Variants in CAPN11 observed in about 807,000 individuals in gnomAD.
The protein encoded by CAPN11 is calpain 11.
Under a neutral mutation model 105.3 loss-of-function variants are expected in CAPN11, and 108 were observed. That is an observed-to-expected ratio of 1.03 (90% CI 0.88 to 1.20). The LOEUF (loss-of-function observed/expected upper bound fraction) is 1.20. Ranked by LOEUF, CAPN11 falls within the 50% of genes most tolerant of loss-of-function variation. CAPN11 has a pLI of 0.00. For synonymous variants in CAPN11, 329 were observed against 344.5 expected (o/e 0.96, Z 0.50); for missense variants, 883 against 924.8 (o/e 0.95, Z 0.59).
In CAPN11 at chr6:44,179,610, C is replaced by A; in HGVS notation, c.1417-9C>A. 1 of 1,613,154 alleles carries A rather than the reference C, an allele frequency of 6.2e-7. No individual in the cohort carries two copies. Among genetic ancestry groups the A allele is most frequent in the East Asian group, 2.2e-5 (1 of 44,884 alleles). On this transcript the variant is annotated splice_polypyrimidine_tract_variant and intron_variant, in intron 12 of 22. Coordinates refer to ENST00000398776, the MANE Select transcript of CAPN11 (RefSeq NM_007058.4). ...AGAGATCTGACTCTCCTCTTTCTTC[C>A]CTTCCCAGGTCCCAAAAGAGGTACA...
chr6:44,182,542 A>G (rs1561856121), intron 19 of CAPN11, among the ~76,000 whole-genome samples: 1 of 151,994 alleles, frequency 6.6e-6, no homozygotes, highest in Non-Finnish European at 1.5e-5. Flanking sequence ...CCAGGGTTGG[A>G]GGGGGGCATG....
At chr6:44,165,525 G>C (rs970317821) in intron 1 of CAPN11, among the ~76,000 whole-genome samples, 1 of 152,214 alleles carries the variant, frequency 6.6e-6, no homozygotes, top group African/African-American at 2.4e-5. Flanking sequence ...GAGGACAGGA[G>C]AGATGCTAAG....
At chr6:44,179,178 C>A (rs1307655779) in intron 12 of CAPN11, among the ~76,000 whole-genome samples, 1 of 152,176 alleles carries the variant, frequency 6.6e-6, no homozygotes, top group Non-Finnish European at 1.5e-5. Context: ...AACTCTTTCA[C>A]TTTTCAGCCA....
In CAPN11 at chr6:44,169,519, G is replaced by A. The variant is rs897130778; in HGVS notation, c.327G>A (p.Trp109Ter). 1 of 1,580,950 alleles carries A rather than the reference G, an allele frequency of 6.3e-7. No homozygotes were observed. The highest frequency in any genetic ancestry group is 8.6e-7 in the Non-Finnish European group (1 of 1,163,468). Reference protein sequence around the residue: ...PNSKNVQNISWQRPKDIINNP... With the variant: ...PNSKNVQNIS Reference sequence around the variant, plus strand: ...CCAAAAATGTGCAGAACATCTCCTGGCAGCGGCCCAAGGTGGGCACTGGAA... The same window carrying A: ...CCAAAAATGTGCAGAACATCTCCTGACAGCGGCCCAAGGTGGGCACTGGAA... Residue 109 changes from tryptophan to a stop codon, truncating the protein, a stop_gained, in exon 3 of 23, where the codon TGG becomes TGA. Transcript: ENST00000398776. LOFTEE classifies it high-confidence loss of function.
At chr6:44,160,281 C>T (rs570953693) in intron 1 of CAPN11, among the ~76,000 whole-genome samples, 15 of 152,316 alleles carry the variant, frequency 9.8e-5, no homozygotes, top group African/African-American at 3.6e-4. Context: ...TCGTATACAA[C>T]AGATATATAC....
intron 5 of CAPN11, 93 bp from the exon 6 acceptor site, chr6:44,172,847 A>C: frequency 7.2e-7 from 1 of 1,386,308 alleles, no homozygotes; most frequent in Non-Finnish European, 9.8e-7. Flanking sequence ...TGGAGAGTGG[A>C]GCCTCTGACA....
Position 44,180,654 on chromosome 6 carries a change from G to C in CAPN11, c.1738G>C (p.Ala580Pro). The change falls in exon 16 of 23, where the codon GCA becomes CCA. Residue 580 changes from alanine to proline, a missense_variant. Transcript: ENST00000398776. ...CTTCCTACATTTGTTTAAGATAGTG[G>C]CAGGAGAGGTGAGCAGGCCACGAGC... The part of the protein sequence containing the change: ...QDFLHLFKIV[A>P]GEGKEIGVYE... 3 of 1,613,784 alleles carry C rather than the reference G, an allele frequency of 1.9e-6. No individual in the cohort carries two copies. Among genetic ancestry groups the C allele is most frequent in the Non-Finnish European group, 2.5e-6 (3 of 1,179,830 alleles).
chr6:44,170,436 C>T (rs1770777775), intron 4 of CAPN11, among the ~76,000 whole-genome samples: 4 of 152,082 alleles, frequency 2.6e-5, no homozygotes, highest in Admixed American at 2.6e-4. Context: ...ACTTACGTGG[C>T]AGGAGCTCTC....
intron 1 of CAPN11, among the ~76,000 whole-genome samples, chr6:44,165,534 A>C (rs1413668185): frequency 1.3e-5 from 2 of 152,170 alleles, no homozygotes; most frequent in African/African-American, 2.4e-5. Flanking sequence ...AGAGATGCTA[A>C]GAGGGTGCAG....
chr6:44,178,139 T>A (rs1156619786), intron 12 of CAPN11, among the ~76,000 whole-genome samples: 1 of 152,162 alleles, frequency 6.6e-6, no homozygotes, highest in Non-Finnish European at 1.5e-5. Flanking sequence ...GATTTCATCC[T>A]TTGTGCCAGG....
chr6:44,179,926 T>C, intron 13 of CAPN11, 26 bp from the exon 14 acceptor site: 1 of 1,567,160 alleles, frequency 6.4e-7, no homozygotes, highest in South Asian at 1.1e-5. Flanking sequence ...ATGCCAGTCC[T>C]GTACCCACTT....
In CAPN11 at chr6:44,160,431, C is replaced by A. The variant is rs549690051; in HGVS notation, c.16+1567C>A. 8.2e-4 allele frequency among the ~76,000 whole-genome samples: 125 copies of A among 152,220 alleles called. 1 individual carries two copies. Among genetic ancestry groups the A allele is most frequent in the African/African-American group, 2.9e-3 (122 of 41,544 alleles). Reference sequence around the variant, plus strand: ...AGGAGATCGGGACCATCTTGGCTAACGCGGTGAAACCCTGTCTCTACTAAA... The same window carrying A: ...AGGAGATCGGGACCATCTTGGCTAAAGCGGTGAAACCCTGTCTCTACTAAA... On this transcript the variant is annotated intron_variant, in intron 1 of 22. Coordinates refer to ENST00000398776, the MANE Select transcript of CAPN11 (RefSeq NM_007058.4).
Position 44,176,783 on chromosome 6 carries a change from G to A in CAPN11, c.1077-55G>A, listed in dbSNP as rs540973231. 5.3e-5 allele frequency: 85 copies of A among 1,602,620 alleles called. 1 individual carries two copies. In the African/African-American group the frequency reaches 1.1e-3, roughly 20 times the overall value. The stretch of plus-strand genomic sequence containing the variant: ...GGTTGTGGGGGGTGGTTCAGGGAGA[G>A]GGAACTGAGGATGCAAGTGTGCTGC... On this transcript the variant is annotated intron_variant, in intron 10 of 22. Transcript: ENST00000398776.
chr6:44,171,210 A>C (rs9369461), intron 4 of CAPN11, among the ~76,000 whole-genome samples: 69,549 of 152,078 alleles, frequency 0.46, 16,207 homozygotes, highest in Non-Finnish European at 0.48. Flanking sequence ...CGTAGGATGC[A>C]CAGCACCCTG....
chr6:44,176,740 G>A (rs1772096968), intron 10 of CAPN11, 85 bp downstream of exon 10: 1 of 1,571,118 alleles, frequency 6.4e-7, no homozygotes, highest in Non-Finnish European at 8.7e-7. Flanking sequence ...CTGTGCCTTG[G>A]ATGGGGAGGC....
intron 12 of CAPN11, among the ~76,000 whole-genome samples, chr6:44,178,814 T>G (rs1173045534): frequency 1.4e-5 from 2 of 147,320 alleles, no homozygotes; most frequent in Non-Finnish European, 3.0e-5. Flanking sequence ...TCCCAGCTAC[T>G]CGAGAAGCTG....
At chr6:44,178,995 C>T (rs762803453) in intron 12 of CAPN11, among the ~76,000 whole-genome samples, 18 of 152,178 alleles carry the variant, frequency 1.2e-4, no homozygotes, top group Non-Finnish European at 2.4e-4. Flanking sequence ...CACAAGCACA[C>T]TGAGGTGCTG....
intron 3 of CAPN11, among the ~76,000 whole-genome samples, 155 bp downstream of exon 3, chr6:44,169,686 A>G (rs540973177): frequency 6.6e-6 from 1 of 152,258 alleles, no homozygotes; most frequent in South Asian, 2.1e-4. Flanking sequence ...ACAGTTCTGA[A>G]TATGCTTAAG....
In CAPN11 at chr6:44,172,327, C is replaced by T. The variant is rs753601236; in HGVS notation, c.435C>T (p.Ile145=). The T allele has an allele frequency of 1.1e-5, 17 of 1,557,472 alleles. No individual in the cohort carries two copies. Among genetic ancestry groups the T allele is most frequent in the East Asian group, 2.4e-5 (1 of 41,284 alleles). ...ILGDCWLLAA[I]GSLTTCPKLL... ...GGGACTGCTGGCTGCTGGCTGCCAT[C>T]GGCTCCCTTACCACCTGCCCCAAAC... The change falls in exon 5 of 23, where the codon ATC becomes ATT. Residue 145 remains isoleucine, a synonymous_variant. Coordinates refer to ENST00000398776, the MANE Select transcript of CAPN11 (RefSeq NM_007058.4).
Sources: allele counts gnomAD v4.1 joint callset (sites outside exome capture counted in the v4.1 genomes callset), GRCh38; gene constraint gnomAD v4.1.1; transcripts MANE v1.5; gene names NCBI Gene and HGNC (gene_info 2026-07-23, HGNC 2026-07-21).